The following FAM89A variants were observed in gnomAD, a reference collection of about 807,000 sequenced individuals.
FAM89A encodes the protein protein FAM89A.
A neutral mutation model predicts 7.1 loss-of-function variants in FAM89A; 10 were observed. The ratio of observed to expected loss-of-function variants is 1.40; its 90% confidence interval spans 0.86 to 2.38. FAM89A has a LOEUF of 2.38. Among genes scored for constraint, FAM89A ranks in the 30% most tolerant of loss-of-function variants. FAM89A has a pLI of 0.00. For missense variants in FAM89A, 276 were observed against 262.8 expected, an observed-to-expected ratio of 1.05 and a Z score of -0.35; for synonymous variants, 157 against 129.3, an observed-to-expected ratio of 1.21 and a Z score of -1.45.
At chr1:231,036,710 A>G (rs1680161388) in intron 1 of FAM89A, among the ~76,000 whole-genome samples, 1 of 152,118 alleles carries the variant, frequency 6.6e-6, no homozygotes, top group Non-Finnish European at 1.5e-5. Context: ...CTCTCCTCCC[A>G]TTGAGATGGT....
chr1:231,020,951 A>G (rs1002706336), intron 1 of FAM89A, among the ~76,000 whole-genome samples: 1 of 152,214 alleles, frequency 6.6e-6, no homozygotes, highest in Admixed American at 6.5e-5. Flanking sequence ...AATACCAAAG[A>G]GAGAACAGTT....
At chr1:231,024,520 G>GCACACACACACACACACACACACACACA (rs3220109) in intron 1 of FAM89A, among the ~76,000 whole-genome samples, 1 of 144,436 alleles carries the variant, frequency 6.9e-6, no homozygotes, top group African/African-American at 2.6e-5. Flanking sequence ...TACATTGCAT[G>GCACACACACACACACACACACACACACA]CACACACACA....
chr1:231,020,514 T>C (rs765718828), intron 1 of FAM89A, among the ~76,000 whole-genome samples: 3 of 152,182 alleles, frequency 2.0e-5, no homozygotes, highest in East Asian at 1.9e-4. Context: ...AAGACCCACA[T>C]TGGCCTTCCC....
Position 231,019,914 on chromosome 1 carries a change from T to C in FAM89A, c.504A>G (p.Ser168=), listed in dbSNP as rs1183178916. 1 of 1,614,200 alleles carries C rather than the reference T, an allele frequency of 6.2e-7. No homozygotes were observed. The highest frequency in any genetic ancestry group is 8.5e-7 in the Non-Finnish European group (1 of 1,180,034). ...TGCTGGAGAGGGAGGAGACAGGCAG[T>C]GACAAGTCCCGAGGAGGGCCTCGGT... ...RRDRGPPRDL[S]LPVSSLSSSD... The change falls in exon 2 of 2, where the codon TCA becomes TCG. Residue 168 remains serine (S), a synonymous_variant. Transcript: ENST00000366654.
intron 1 of FAM89A, chr1:231,021,909 T>G: frequency 2.6e-6 from 4 of 1,542,908 alleles, no homozygotes; most frequent in Non-Finnish European, 3.6e-6. Context: ...GATGAGTTGT[T>G]GTCCAGGGAC....
intron 1 of FAM89A, among the ~76,000 whole-genome samples, chr1:231,036,645 C>T (rs1216419061): frequency 6.6e-6 from 1 of 152,022 alleles, no homozygotes; most frequent in Non-Finnish European, 1.5e-5. Context: ...GAGACAGACC[C>T]TTCTCAGCCC....
chr1:231,040,008 G>C lies in FAM89A; in HGVS notation c.204C>G (p.Gly68=). The C allele has an allele frequency of 7.1e-7, 1 of 1,414,070 alleles. No homozygotes were observed. The highest frequency in any genetic ancestry group is 9.2e-7 in the Non-Finnish European group (1 of 1,087,898). The allele number at this position is 1,414,070 out of a possible 1,614,324, so 87.6% of individuals were successfully genotyped here. A position where few individuals can be genotyped will look rare whatever the true frequency, so the allele number is the denominator to read the frequency against. The change falls in exon 1 of 2, where the codon GGC becomes GGG. Residue 68 remains glycine (G), a synonymous_variant. Transcript: ENST00000366654. ...CCGCCCGGGCCCCGCCGCCGCCCGG[G>C]CCCCCGCGGCTCAGCTCGTCCTGGA... is the stretch of plus-strand genomic sequence containing the variant. ...SRIQDELSRG[G]PGGGGARAAA...
chr1:231,021,631 A>G, intron 1 of FAM89A: 1 of 1,541,738 alleles, frequency 6.5e-7, no homozygotes, highest in Non-Finnish European at 9.0e-7. Flanking sequence ...GAAAGCGTCG[A>G]GGTGGAGCAA....
rs779451963 is a variant in FAM89A at position 231,019,983 on chromosome 1, C to G, written c.435G>C (p.Glu145Asp). Residue 145 changes from glutamate (E) to aspartate (D), a missense_variant, in exon 2 of 2, where the codon GAG becomes GAC. By Grantham distance (45) the Glu-to-Asp change is conservative. Transcript: ENST00000366654. ...AGTTCTGCTCCTGGAAATATTCCTC[C>G]TCTTCATCGAAGAAGCCGTTCTCCA... ...YALENGFFDE[E>D]EEYFQEQNSL... The G allele has an allele frequency of 1.9e-6, 3 of 1,614,042 alleles. No individual in the cohort carries two copies. The highest frequency in any genetic ancestry group is 4.5e-5 in the East Asian group (2 of 44,888).
At chr1:231,031,886 T>C (rs755629978) in intron 1 of FAM89A, among the ~76,000 whole-genome samples, 1 of 151,962 alleles carries the variant, frequency 6.6e-6, no homozygotes, top group African/African-American at 2.4e-5. Flanking sequence ...AGTGCCATTA[T>C]CCACTTGTGT....
intron 1 of FAM89A, among the ~76,000 whole-genome samples, chr1:231,037,460 G>A (rs1413354072): frequency 2.0e-5 from 3 of 152,058 alleles, no homozygotes; most frequent in Non-Finnish European, 4.4e-5. Flanking sequence ...TCAGAAAAGT[G>A]TCTCCCACAT....
intron 1 of FAM89A, chr1:231,021,899 G>A (rs1470948877): frequency 9.6e-6 from 15 of 1,558,844 alleles, no homozygotes; most frequent in African/African-American, 5.4e-5. Flanking sequence ...GAGCAGTGAC[G>A]ATGAGTTGTT....
chr1:231,034,965 CCG>C (rs1680136810), intron 1 of FAM89A, among the ~76,000 whole-genome samples: 1 of 152,114 alleles, frequency 6.6e-6, no homozygotes, highest in Non-Finnish European at 1.5e-5. Context: ...GTATTAAAGG[CCG>C]CTAGACATCC....
intron 1 of FAM89A, among the ~76,000 whole-genome samples, chr1:231,027,883 G>A (rs940942740): frequency 1.3e-5 from 2 of 152,152 alleles, no homozygotes; most frequent in Non-Finnish European, 2.9e-5. Flanking sequence ...CTTTGCCCTC[G>A]GCGTCTCCAC....
At chr1:231,034,774 A>T (rs1224524232) in intron 1 of FAM89A, among the ~76,000 whole-genome samples, 1 of 27,370 alleles carries the variant, frequency 3.7e-5, no homozygotes. Flanking sequence ...CTCTGTCTCA[A>T]AAAAAAAAAA....
At chr1:231,023,041 G>A (rs1256860536) in intron 1 of FAM89A, among the ~76,000 whole-genome samples, 1 of 152,136 alleles carries the variant, frequency 6.6e-6, no homozygotes, top group Non-Finnish European at 1.5e-5. Context: ...TTTGCCACAC[G>A]CCCTCCAGTC....
intron 1 of FAM89A, among the ~76,000 whole-genome samples, chr1:231,033,636 T>A (rs1680110982): frequency 6.6e-6 from 1 of 152,116 alleles, no homozygotes; most frequent in African/African-American, 2.4e-5. Context: ...ACACTGCCAA[T>A]TATTGGGGCA....
intron 1 of FAM89A, 54 bp from the exon 2 acceptor site, chr1:231,020,180 T>G (rs1679848926): frequency 6.5e-7 from 1 of 1,528,930 alleles, no homozygotes; most frequent in African/African-American, 1.4e-5. Flanking sequence ...TTGAGTTTAA[T>G]TTCAGTGGAA....
intron 1 of FAM89A, among the ~76,000 whole-genome samples, chr1:231,028,191 G>T (rs545174409): frequency 3.3e-5 from 5 of 152,226 alleles, no homozygotes; most frequent in Non-Finnish European, 7.3e-5. Context: ...GGTGCAGACT[G>T]AACGGGCAGC....
Sources: gnomAD v4.1 joint callset for allele counts (sites outside exome capture counted in the v4.1 genomes callset) on GRCh38, gnomAD v4.1.1 for gene constraint, MANE v1.5 for transcripts, NCBI Gene and HGNC (gene_info 2026-07-23, HGNC 2026-07-21) for gene names.